Variants in TNK2 observed in about 807,000 individuals in gnomAD.
TNK2 encodes activated CDC42 kinase 1.
Under a neutral mutation model 101.8 loss-of-function variants are expected in TNK2, and 83 were observed. The ratio of observed to expected loss-of-function variants is 0.82; its 90% CI spans 0.68 to 0.98. The LOEUF is 0.98. TNK2 is among the 50% of genes least tolerant of loss of function. TNK2 has a pLI of 0.00. For synonymous variants in TNK2, 804 were observed against 633.0 expected (o/e 1.27, Z -4.06); for missense variants, 1,665 against 1,483.2 (o/e 1.12, Z -2.01).
rs767198305 is a variant in TNK2 at position 195,864,155 on chromosome 3, A to G, written c.*26T>C. The G allele has an allele frequency of 4.3e-5, 70 of 1,613,852 alleles. No individual in the cohort carries two copies. The highest frequency in any genetic ancestry group is 5.6e-5 in the Non-Finnish European group (66 of 1,179,894). On this transcript the variant is annotated 3_prime_UTR_variant, in exon 16 of 16. Coordinates refer to ENST00000672887, the MANE Select transcript of TNK2 (RefSeq NM_001382273.1). ...ACAGGCTCAGGTGATTCCTTCAGGC[A>G]GGCCCTCTGGCTCTCCAGACGCATC...
chr3:195,867,083 G>A, intron 14 of TNK2, 67 bp from the exon 15 acceptor site: 3 of 1,608,004 alleles, frequency 1.9e-6, no homozygotes, highest in Non-Finnish European at 2.6e-6. Flanking sequence ...GAAGAGGGGA[G>A]TCGGAGCCAG....
intron 9 of TNK2, among the ~76,000 whole-genome samples, chr3:195,873,501 G>A (rs935273088): frequency 3.3e-5 from 5 of 151,614 alleles, no homozygotes; most frequent in African/African-American, 9.7e-5. Flanking sequence ...CTGGGCAGGC[G>A]GGGGCGGTGA....
chr3:195,906,753 A>G (rs1019457345), intron 1 of TNK2, among the ~76,000 whole-genome samples: 2 of 152,180 alleles, frequency 1.3e-5, no homozygotes, highest in Admixed American at 6.5e-5. Context: ...ATATGTCATT[A>G]TATCTCAATA....
intron 10 of TNK2, chr3:195,870,482 C>G: frequency 3.7e-6 from 4 of 1,087,246 alleles, no homozygotes; most frequent in Non-Finnish European, 4.9e-6. Context: ...CCTCCACAAC[C>G]CCCCAGGCCC....
At position 195,868,158 on chromosome 3, in the gene TNK2, T is replaced by C. The variant is rs139797100; in HGVS notation, c.2140A>G (p.Ser714Gly). 93 of 1,610,782 alleles carry C rather than the reference T, an allele frequency of 5.8e-5. No homozygotes were observed. The African/African-American group carries it at 1.2e-3, about 21-fold the overall frequency. Residue 714 changes from serine to glycine, a missense_variant, in exon 13 of 16, where the codon AGC (serine) becomes GGC (glycine). Coordinates refer to ENST00000672887, the MANE Select transcript of TNK2 (RefSeq NM_001382273.1). Reference protein sequence around the residue: ...LPPQGGGKPPSSAQTAEIFQA... With the variant: ...LPPQGGGKPPGSAQTAEIFQA... ...AAGATCTCTGCGGTCTGTGCGGAGCTGGGCGGCTTGCCCCCACCCTGGGGC... is the reference window on the plus strand; with the variant it reads ...AAGATCTCTGCGGTCTGTGCGGAGCCGGGCGGCTTGCCCCCACCCTGGGGC...
chr3:195,873,737 C>G (rs1367246287), intron 9 of TNK2, among the ~76,000 whole-genome samples: 3 of 152,168 alleles, frequency 2.0e-5, no homozygotes, highest in Admixed American at 2.0e-4. Flanking sequence ...TGTAAGGTGA[C>G]GAGGCCTGGC....
At chr3:195,869,151 T>C in intron 12 of TNK2, 1 of 537,868 alleles carries the variant, frequency 1.9e-6, no homozygotes, top group Non-Finnish European at 3.4e-6. Context: ...AGGACAGTAC[T>C]CCTGACCAAC....
chr3:195,864,417 A>G (rs1340808825), intron 15 of TNK2, among the ~76,000 whole-genome samples: 1 of 152,106 alleles, frequency 6.6e-6, no homozygotes, highest in African/African-American at 2.4e-5. Flanking sequence ...GACAGGTGGG[A>G]TAGAGCCCAA....
chr3:195,887,160 A>G, intron 2 of TNK2, 113 bp from the exon 3 acceptor site: 1 of 1,035,048 alleles, frequency 9.7e-7, no homozygotes, highest in East Asian at 2.4e-5. Context: ...CCACCCGATG[A>G]TAGCAATGAA....
rs762645668 is a variant in TNK2, at chr3:195,864,014, G to C, written c.*167C>G. ...GGACAGCGCTGGTGCAGGAGGGATG[G>C]GCAGGGCAGGGCTCCCAGCCTCCCG... On this transcript the variant is annotated 3_prime_UTR_variant, in exon 16 of 16. Coordinates refer to ENST00000672887, the MANE Select transcript of TNK2 (RefSeq NM_001382273.1). The C allele has an allele frequency of 1.2e-6, 1 of 832,194 alleles. No homozygotes were observed. Among genetic ancestry groups the C allele is most frequent in the Non-Finnish European group, 1.9e-6 (1 of 516,682 alleles). 51.6% of individuals were successfully genotyped at this position (832,194 alleles called of 1,614,324 possible). A position where few individuals can be genotyped will look rare whatever the true frequency, so the allele number is the denominator to read the frequency against.
chr3:195,866,710 T>C (rs1234698404), intron 15 of TNK2, among the ~76,000 whole-genome samples, 179 bp downstream of exon 15: 3 of 152,222 alleles, frequency 2.0e-5, no homozygotes, highest in Middle Eastern at 3.2e-3. Context: ...AATGTCCAAA[T>C]AAACACATTT....
chr3:195,869,629 G>T, intron 11 of TNK2, 88 bp from the exon 12 acceptor site: 1 of 1,213,386 alleles, frequency 8.2e-7, no homozygotes, highest in Non-Finnish European at 1.2e-6. Flanking sequence ...AGGGCAGAGT[G>T]TAGAGAGACG....
chr3:195,897,259 C>CA (rs1760694928), intron 1 of TNK2, among the ~76,000 whole-genome samples: 1 of 152,234 alleles, frequency 6.6e-6, no homozygotes, highest in Admixed American at 6.5e-5. Context: ...GGCAACCCTG[C>CA]ACCTTCAGGT....
intron 15 of TNK2, 130 bp downstream of exon 15, chr3:195,866,759 C>G: frequency 2.2e-6 from 3 of 1,354,322 alleles, no homozygotes; most frequent in Non-Finnish European, 3.0e-6. Flanking sequence ...GCGCCTCCCT[C>G]CCGCAGCTGG....
chr3:195,882,402 C>T lies in TNK2; in HGVS notation c.610-74G>A, dbSNP rs1215760248. The T allele has an allele frequency of 5.7e-6, 9 of 1,587,958 alleles. 1 individual carries two copies. Among genetic ancestry groups the T allele is most frequent in the Non-Finnish European group, 5.1e-6 (6 of 1,165,654 alleles). ...TTCTCAGCAGCCCACGCTGGGCCCC[C>T]AGTCCCCTTCCTGAAGGCTTTCCAG... On this transcript the variant is annotated intron_variant, in intron 5 of 15. Coordinates refer to ENST00000672887, the MANE Select transcript of TNK2 (RefSeq NM_001382273.1). This position sits in a 1 kb window ranked among gnomAD's most constrained non-coding sequence, Gnocchi z 4.2.
intron 1 of TNK2, among the ~76,000 whole-genome samples, chr3:195,900,284 G>C (rs1484448399): frequency 6.6e-6 from 1 of 151,846 alleles, no homozygotes; most frequent in Non-Finnish European, 1.5e-5. Context: ...CAGGGTGGGA[G>C]GGCAGAGCAC....
rs1456216833 is a variant in TNK2, at chr3:195,868,703, G to A, written c.1595C>T (p.Thr532Ile). The change falls in exon 13 of 16, where the codon ACC (threonine) becomes ATC (isoleucine). Residue 532 changes from threonine to isoleucine, a missense_variant. Thr to Ile is a moderately conservative substitution (Grantham distance 89). Transcript: ENST00000672887. ...PQPAFFTQKPTYDPVSEDQDP... is the reference protein window; with the variant it reads ...PQPAFFTQKPIYDPVSEDQDP... ...TTGGTCCTCGCTCACAGGGTCATAG[G>A]TTGGTTCTGTGATGGAAAGGGAGAG... is the stretch of plus-strand genomic sequence containing the variant. 1.3e-6 allele frequency: 2 copies of A among 1,570,394 alleles called. No individual in the cohort carries two copies. Among genetic ancestry groups the A allele is most frequent in the Admixed American group, 1.8e-5 (1 of 55,178 alleles).
chr3:195,891,656 A>C (rs1270203442), intron 1 of TNK2, among the ~76,000 whole-genome samples: 1 of 147,276 alleles, frequency 6.8e-6, no homozygotes, highest in African/African-American at 2.5e-5. Context: ...GAGCAAAGTG[A>C]CCCCCCCCCT....
chr3:195,880,364 C>G (rs1265700482), intron 6 of TNK2, among the ~76,000 whole-genome samples: 1 of 152,112 alleles, frequency 6.6e-6, no homozygotes, highest in African/African-American at 2.4e-5. Context: ...AATACCTCCC[C>G]ACAGAAATGC....
Sources: allele counts gnomAD v4.1 joint callset (sites outside exome capture counted in the v4.1 genomes callset), GRCh38; gene constraint gnomAD v4.1.1; non-coding constraint Gnocchi (gnomAD v3.1); transcripts MANE v1.5; gene names NCBI Gene and HGNC (gene_info 2026-07-23, HGNC 2026-07-21).